PHTF1: variants seen among roughly 807,000 people sequenced by gnomAD.
PHTF1 encodes the protein putative homeodomain transcription factor 1.
A neutral mutation model predicts 102.4 loss-of-function variants in PHTF1; 88 were observed. That is an observed-to-expected ratio of 0.86 (90% CI 0.72 to 1.03). PHTF1 has a LOEUF of 1.03. PHTF1 is among the 50% of genes least tolerant of loss of function. PHTF1 has a pLI of 0.00. For synonymous variants in PHTF1, 289 were observed against 305.2 expected, an observed-to-expected ratio of 0.95 and a Z score of 0.55; for missense variants, 814 against 909.5, an observed-to-expected ratio of 0.89 and a Z score of 1.35.
intron 3 of PHTF1, among the ~76,000 whole-genome samples, chr1:113,744,449 G>T (rs1656889670): frequency 1.6e-4 from 25 of 152,126 alleles, no homozygotes; most frequent in Admixed American, 1.6e-3. Flanking sequence ...ATACAGTCTG[G>T]TGCAGAGAGG....
intron 7 of PHTF1, among the ~76,000 whole-genome samples, chr1:113,719,019 G>C (rs935900959): frequency 6.2e-5 from 9 of 144,668 alleles, no homozygotes; most frequent in Admixed American, 2.1e-4. Flanking sequence ...TTTTTCTTTT[G>C]AGACAGAGTC....
intron 5 of PHTF1, 88 bp downstream of exon 5, chr1:113,738,022 G>A: frequency 1.1e-6 from 1 of 897,610 alleles, no homozygotes; most frequent in Admixed American, 2.2e-5. Context: ...AAATGAAAGG[G>A]TAAATGTAAA....
rs1000560139 is a variant in PHTF1 at position 113,713,550 on chromosome 1, G to A, written c.624-112C>T. The stretch of plus-strand genomic sequence containing the variant: ...TATTCTGGAAATCAAGAAAATGCAG[G>A]AATCATATTTTTCAGGACTTTAGCT... On this transcript the variant is annotated intron_variant, in intron 7 of 18. Coordinates refer to ENST00000369604, the MANE Select transcript of PHTF1 (RefSeq NM_001323043.2). 2.0e-5 allele frequency: 13 copies of A among 652,482 alleles called. No individual in the cohort carries two copies. In the Admixed American group the frequency reaches 3.4e-4, roughly 17 times the overall value. The allele number at this position is 652,482 out of a possible 1,614,324, so 40.4% of individuals were successfully genotyped here. A position where few individuals can be genotyped will look rare whatever the true frequency, so the allele number is the denominator to read the frequency against.
At chr1:113,698,188 C>T (rs994580662) in intron 18 of PHTF1, 74 bp downstream of exon 18, 18 of 813,512 alleles carry the variant, frequency 2.2e-5, no homozygotes, top group African/African-American at 2.1e-4. Context: ...CACACACACA[C>T]GTGTGAAGAA....
Position 113,697,505 on chromosome 1 carries a change from A to C in PHTF1, c.*200T>G, listed in dbSNP as rs532886711. Reference sequence around the variant, plus strand: ...TATTCATGTTGTTTGAAAAGCATGAAAATACAGGTTTTTAGCATGCACACC... The same window carrying C: ...TATTCATGTTGTTTGAAAAGCATGACAATACAGGTTTTTAGCATGCACACC... On this transcript the variant is annotated 3_prime_UTR_variant, in exon 19 of 19. Coordinates refer to ENST00000369604, the MANE Select transcript of PHTF1 (RefSeq NM_001323043.2). 7.9e-5 allele frequency: 41 copies of C among 520,840 alleles called. No homozygotes were observed. The East Asian group carries it at 1.3e-3, about 16-fold the overall frequency. The allele number at this position is 520,840 out of a possible 1,614,324, so 32.3% of individuals were successfully genotyped here. A position where few individuals can be genotyped will look rare whatever the true frequency, so the allele number is the denominator to read the frequency against.
intron 12 of PHTF1, 93 bp downstream of exon 12, chr1:113,706,501 T>G (rs1650203167): frequency 1.1e-6 from 1 of 908,516 alleles, no homozygotes; most frequent in Non-Finnish European, 1.6e-6. Flanking sequence ...AAAAGCAGAG[T>G]CATACTGTTT....
chr1:113,706,784 TC>T (rs1650261451), intron 11 of PHTF1, 62 bp from the exon 12 acceptor site: 12 of 1,249,148 alleles, frequency 9.6e-6, no homozygotes, highest in South Asian at 1.5e-5. Flanking sequence ...AGTTTTTCTT[TC>T]CCAGGCTCCA....
chr1:113,751,505 T>TA (rs749869405), intron 3 of PHTF1, among the ~76,000 whole-genome samples: 31 of 152,256 alleles, frequency 2.0e-4, no homozygotes, highest in Non-Finnish European at 2.9e-4. Flanking sequence ...TGACATTTTT[T>TA]ATGTTCATCC....
At position 113,697,682 on chromosome 1, in the gene PHTF1, GA is replaced by G; in HGVS notation, c.*22del. 1 of 1,499,400 alleles carries G rather than the reference GA, an allele frequency of 6.7e-7. No individual in the cohort carries two copies. Among genetic ancestry groups the G allele is most frequent in the Non-Finnish European group, 9.0e-7 (1 of 1,109,336 alleles). The allele number at this position is 1,499,400 out of a possible 1,614,324, so 92.9% of individuals were successfully genotyped here. A position where few individuals can be genotyped will look rare whatever the true frequency, so the allele number is the denominator to read the frequency against. The stretch of plus-strand genomic sequence containing the variant: ...AGGTAAGTTTTGATACCAGCCAGGG[GA>G]GAGTCCAGGCATTTACTCAGCTTAT... On this transcript the variant is annotated 3_prime_UTR_variant, in exon 19 of 19. Coordinates refer to ENST00000369604, the MANE Select transcript of PHTF1 (RefSeq NM_001323043.2).
intron 11 of PHTF1, 109 bp from the exon 12 acceptor site, chr1:113,706,831 T>C (rs1650270859): frequency 5.1e-6 from 3 of 591,426 alleles, no homozygotes; most frequent in Admixed American, 3.0e-5. Context: ...ACCTCTATAA[T>C]GCTGGTCCTT....
rs1186819562 is a variant in PHTF1, at chr1:113,723,177, AT to A, written c.623+1581del. On this transcript the variant is annotated intron_variant, in intron 7 of 18. Transcript: ENST00000369604. ...AGATCCATACATCTACAGTGAACTC[AT>A]TTTTTTTTTTTTTTTTTGAGACAGG... Among the ~76,000 whole-genome samples, 1,168 of 135,746 alleles carry A rather than the reference AT, an allele frequency of 8.6e-3. 5 individuals are homozygous for A. Among genetic ancestry groups the A allele is most frequent in the African/African-American group, 0.023 (840 of 37,270 alleles). The allele number at this position is 135,746 out of a possible 152,430, so 89.1% of individuals were successfully genotyped here.
intron 4 of PHTF1, 25 bp from the exon 5 acceptor site, chr1:113,738,293 C>A (rs1286704036): frequency 2.5e-6 from 4 of 1,601,822 alleles, no homozygotes; most frequent in Non-Finnish European, 3.4e-6. Flanking sequence ...TAAAACAAAA[C>A]ATCAAACATT....
In PHTF1 at chr1:113,704,114, CA is replaced by C. The variant is rs1248641004; in HGVS notation, c.1856del (p.Leu619ArgfsTer21). 6.2e-7 allele frequency: 1 copy of C among 1,613,432 alleles called. No homozygotes were observed. Among genetic ancestry groups the C allele is most frequent in the Non-Finnish European group, 8.5e-7 (1 of 1,179,458 alleles). ...VDVVVSSVFL[L>X]TLSIAFICCA... is the part of the protein sequence containing the mutation. The stretch of plus-strand genomic sequence containing the variant: ...AACAAATGAAAGCAATCGAAAGTGT[CA>C]GTAGGAAAACCGAGGATACAACCAC... On this transcript the variant is annotated frameshift_variant, in exon 15 of 19. Transcript: ENST00000369604. LOFTEE classifies it high-confidence loss of function.
chr1:113,728,190 T>C (rs1285367458), intron 5 of PHTF1, among the ~76,000 whole-genome samples: 2 of 152,198 alleles, frequency 1.3e-5, no homozygotes, highest in African/African-American at 4.8e-5. Context: ...AGAAAGTCTT[T>C]GCAAATTATC....
chr1:113,702,550 G>A lies in PHTF1; in HGVS notation c.1890+1531C>T, dbSNP rs116087918. ...GAGGATCCCTTGAAGCCAGGAGTTC[G>A]AGGCCAGCCTGGGGAACAAAGCCAG... On this transcript the variant is annotated intron_variant, in intron 15 of 18. Transcript: ENST00000369604. Among the ~76,000 whole-genome samples, 1,115 of 151,854 alleles carry A rather than the reference G, an allele frequency of 7.3e-3. 13 individuals are homozygous for A. Among genetic ancestry groups the A allele is most frequent in the Non-Finnish European group, 0.01 (708 of 67,934 alleles).
In PHTF1 at chr1:113,738,723, G is replaced by C. The variant is rs1655898174; in HGVS notation, c.172+7C>G. 6.4e-7 allele frequency: 1 copy of C among 1,552,464 alleles called. No homozygotes were observed. The highest frequency in any genetic ancestry group is 1.4e-5 in the African/African-American group (1 of 72,198). On this transcript the variant is annotated splice_region_variant and intron_variant, in intron 4 of 18. Transcript: ENST00000369604. ...TAATGTACATAAAAAACAATTTTAA[G>C]ACTAACCTCTGATTAAGTCAACGTC...
intron 17 of PHTF1, among the ~76,000 whole-genome samples, 163 bp from the exon 18 acceptor site, chr1:113,698,550 C>T (rs750615937): frequency 5.3e-5 from 8 of 151,594 alleles, no homozygotes; most frequent in Non-Finnish European, 1.2e-4. Context: ...TTCTCACCTA[C>T]TTTTCTACTA....
rs1055787673 is a variant in PHTF1 at position 113,738,743 on chromosome 1, A to G, written c.159T>C (p.Val53=). ...TTTAAGACTAACCTCTGATTAAGTCAACGTCAATCAAGTCTGGCTTTATGT... is the reference window on the plus strand; with the variant it reads ...TTTAAGACTAACCTCTGATTAAGTCGACGTCAATCAAGTCTGGCTTTATGT... ...MGHIKPDLID[V]DLIRGSTFAK... The change falls in exon 4 of 19, where the codon GTT becomes GTC. Residue 53 remains valine (V), a synonymous_variant. Transcript: ENST00000369604. 1.3e-6 allele frequency: 2 copies of G among 1,597,106 alleles called. No homozygotes were observed. Among genetic ancestry groups the G allele is most frequent in the Non-Finnish European group, 1.7e-6 (2 of 1,169,964 alleles).
At position 113,756,780 on chromosome 1, in the gene PHTF1, A is replaced by G. The variant is rs1221998991; in HGVS notation, c.102+919T>C. On this transcript the variant is annotated intron_variant, in intron 3 of 18. Transcript: ENST00000369604. ...TTAATAAACTGGCATTCTGAATTAT[A>G]TAACAGTTTTTGGTCACTTGGTTAG... 4.6e-5 allele frequency among the ~76,000 whole-genome samples: 7 copies of G among 152,354 alleles called. No homozygotes were observed. The East Asian group carries it at 1.2e-3, about 25-fold the overall frequency.
Sources: allele counts gnomAD v4.1 joint callset (sites outside exome capture counted in the v4.1 genomes callset), GRCh38; gene constraint gnomAD v4.1.1; transcripts MANE v1.5; gene names NCBI Gene and HGNC (gene_info 2026-07-23, HGNC 2026-07-21).